The following RHOQ variants were observed in gnomAD, a reference collection of about 807,000 sequenced individuals.
The protein encoded by RHOQ is ras homolog family member Q.
Under a neutral mutation model 25.8 loss-of-function variants are expected in RHOQ, and 7 were observed. That is an observed-to-expected ratio of 0.27 (90% CI 0.15 to 0.51). RHOQ has a LOEUF of 0.51. Ranked by LOEUF, RHOQ falls within the 20% of genes least tolerant of loss-of-function variation. The pLI is 0.97. For synonymous variants in RHOQ, 97 were observed against 98.6 expected, an observed-to-expected ratio of 0.98 and a Z score of 0.10; for missense variants, 165 against 260.6, an observed-to-expected ratio of 0.63 and a Z score of 2.53.
chr2:46,574,330 C>T (rs968011891), intron 2 of RHOQ, among the ~76,000 whole-genome samples: 3 of 144,300 alleles, frequency 2.1e-5, no homozygotes, highest in Non-Finnish European at 3.0e-5. Context: ...AGATGACATA[C>T]TGTTTCTTTT....
chr2:46,546,001 C>G (rs945708669), intron 2 of RHOQ, among the ~76,000 whole-genome samples: 1 of 152,084 alleles, frequency 6.6e-6, no homozygotes, highest in Non-Finnish European at 1.5e-5. Flanking sequence ...ATTGGTGGGG[C>G]CTAGATGTGT....
Position 46,546,510 on chromosome 2 carries a change from A to G in RHOQ, c.201+2698A>G, listed in dbSNP as rs1432275329. On this transcript the variant is annotated intron_variant, in intron 2 of 4. Transcript: ENST00000238738. ...TATATATATATATATATATATATATATGTATATACATATATATATATACAC... is the reference window on the plus strand; with the variant it reads ...TATATATATATATATATATATATATGTGTATATACATATATATATATACAC... Among the ~76,000 whole-genome samples the G allele has an allele frequency of 2.5e-3, 58 of 23,138 alleles. 2 individuals are homozygous for G. The highest frequency in any genetic ancestry group is 6.3e-3 in the Admixed American group (12 of 1,890). The allele number at this position is 23,138 out of a possible 152,430, so 15.2% of individuals were successfully genotyped here. A position where few individuals can be genotyped will look rare whatever the true frequency, so the allele number is the denominator to read the frequency against.
chr2:46,581,695 T>C lies in RHOQ; in HGVS notation c.*612T>C, dbSNP rs549383238. 15 of 1,453,416 alleles carry C rather than the reference T, an allele frequency of 1.0e-5. No homozygotes were observed. In the African/African-American group the frequency reaches 1.6e-4, roughly 15 times the overall value. The allele number at this position is 1,453,416 out of a possible 1,614,324, so 90.0% of individuals were successfully genotyped here. On this transcript the variant is annotated 3_prime_UTR_variant, in exon 5 of 5. Coordinates refer to ENST00000238738, the MANE Select transcript of RHOQ (RefSeq NM_012249.4). Reference sequence around the variant, plus strand: ...TATATTAAAGCTTAATGTGCTTTCTTAAAGAATGCCAAAAGTGTAATAAGG... The same window carrying C: ...TATATTAAAGCTTAATGTGCTTTCTCAAAGAATGCCAAAAGTGTAATAAGG...
chr2:46,576,739 T>A lies in RHOQ; in HGVS notation c.462+83T>A. Reference sequence around the variant, plus strand: ...GAAGCTAATTTTATTGTGTATTTACTGTGTGCCAGGTGGAGTGCTTTACAT... The same window carrying A: ...GAAGCTAATTTTATTGTGTATTTACAGTGTGCCAGGTGGAGTGCTTTACAT... On this transcript the variant is annotated intron_variant, in intron 4 of 4. Transcript: ENST00000238738. This position sits in a 1 kb window ranked among gnomAD's most constrained non-coding sequence, Gnocchi z 5.1. 2.1e-6 allele frequency: 2 copies of A among 955,418 alleles called. No individual in the cohort carries two copies. The highest frequency in any genetic ancestry group is 3.2e-6 in the Non-Finnish European group (2 of 616,098). 59.2% of individuals were successfully genotyped at this position (955,418 alleles called of 1,614,324 possible). A position where few individuals can be genotyped will look rare whatever the true frequency, so the allele number is the denominator to read the frequency against.
rs1668722777 is a variant in RHOQ, at chr2:46,566,127, G to C, written c.202-9960G>C. Among the ~76,000 whole-genome samples, 1 of 152,164 alleles carries C rather than the reference G, an allele frequency of 6.6e-6. No homozygotes were observed. Among genetic ancestry groups the C allele is most frequent in the Admixed American group, 6.5e-5 (1 of 15,276 alleles). ...GATCCTGAGAACTTTCAGGTTTCTGGCTTGTGCACCCTGATTGAGTGGTGA... is the reference window on the plus strand; with the variant it reads ...GATCCTGAGAACTTTCAGGTTTCTGCCTTGTGCACCCTGATTGAGTGGTGA... On this transcript the variant is annotated intron_variant, in intron 2 of 4. Transcript: ENST00000238738. The surrounding 1 kb of genome is among the most constrained non-coding windows in gnomAD (Gnocchi z 4.2).
intron 2 of RHOQ, among the ~76,000 whole-genome samples, chr2:46,562,198 A>G (rs1188649202): frequency 6.6e-6 from 1 of 151,854 alleles, no homozygotes. Context: ...AAACTCCCTC[A>G]TCCCCACTGC....
chr2:46,578,503 G>C (rs1301189813), intron 4 of RHOQ, among the ~76,000 whole-genome samples: 1 of 147,066 alleles, frequency 6.8e-6, no homozygotes, highest in Non-Finnish European at 1.5e-5. Context: ...AGGCTGAGGT[G>C]GGTGGATCGT....
rs532364158 is a variant in RHOQ at position 46,554,954 on chromosome 2, T to C, written c.201+11142T>C. Among the ~76,000 whole-genome samples, 196 of 152,330 alleles carry C rather than the reference T, an allele frequency of 1.3e-3. 5 individuals carry two copies. In the South Asian group the frequency reaches 0.038, roughly 30 times the overall value. On this transcript the variant is annotated intron_variant, in intron 2 of 4. Coordinates refer to ENST00000238738, the MANE Select transcript of RHOQ (RefSeq NM_012249.4). ...CATCCAGTTCAATTAAAATTCCATT[T>C]AATCCAGCTTACTTTTCACAGAGTT...
chr2:46,564,176 G>A (rs529558020), intron 2 of RHOQ, among the ~76,000 whole-genome samples: 3 of 152,130 alleles, frequency 2.0e-5, no homozygotes, highest in East Asian at 2.0e-4. Flanking sequence ...GTGGTAGCAC[G>A]TACCTGTAGT....
chr2:46,578,369 G>C (rs777816873), intron 4 of RHOQ, among the ~76,000 whole-genome samples: 11 of 151,596 alleles, frequency 7.3e-5, no homozygotes, highest in Non-Finnish European at 1.5e-4. Context: ...TTAGGATGTT[G>C]GTCAAAGTGT....
intron 2 of RHOQ, among the ~76,000 whole-genome samples, chr2:46,559,105 C>T (rs1190812252): frequency 6.6e-6 from 1 of 152,124 alleles, no homozygotes; most frequent in African/African-American, 2.4e-5. Context: ...AGCTGCATGC[C>T]ACCACTTCTG....
intron 2 of RHOQ, 129 bp downstream of exon 2, chr2:46,543,941 T>C: frequency 1.4e-6 from 1 of 698,556 alleles, no homozygotes; most frequent in Non-Finnish European, 2.5e-6. Context: ...CTGGATTAGG[T>C]CTTTATTTCT....
rs1669127278 is a variant in RHOQ, at chr2:46,576,342, A to C, written c.366+91A>C. The stretch of plus-strand genomic sequence containing the variant: ...AGACAAACAGTCCCAAAGCTGAGCA[A>C]ATGATGTAAGTGTTTAATCTCAGCT... On this transcript the variant is annotated intron_variant, in intron 3 of 4. Transcript: ENST00000238738. This position sits in a 1 kb window ranked among gnomAD's most constrained non-coding sequence, Gnocchi z 5.1. 3 of 1,155,348 alleles carry C rather than the reference A, an allele frequency of 2.6e-6. No homozygotes were observed. In the South Asian group the frequency reaches 4.6e-5, roughly 18 times the overall value. 71.6% of individuals were successfully genotyped at this position (1,155,348 alleles called of 1,614,324 possible).
Position 46,581,455 on chromosome 2 carries a change from A to G in RHOQ, c.*372A>G, listed in dbSNP as rs1669369118. The G allele has an allele frequency of 1.9e-6, 3 of 1,606,494 alleles. No homozygotes were observed. Among genetic ancestry groups the G allele is most frequent in the Non-Finnish European group, 2.5e-6 (3 of 1,176,856 alleles). On this transcript the variant is annotated 3_prime_UTR_variant, in exon 5 of 5. Coordinates refer to ENST00000238738, the MANE Select transcript of RHOQ (RefSeq NM_012249.4). ...CCCAGCCCTTACAGAATCTGCACAA[A>G]GAAATATCTCCCTTTGCTCCAGTTA...
chr2:46,557,218 T>G (rs1345280219), intron 2 of RHOQ, among the ~76,000 whole-genome samples: 4 of 152,236 alleles, frequency 2.6e-5, no homozygotes, highest in African/African-American at 9.6e-5. Flanking sequence ...TTTTATGAAT[T>G]TATGCCTAGA....
At chr2:46,561,010 A>G (rs1339680312) in intron 2 of RHOQ, among the ~76,000 whole-genome samples, 11 of 144,658 alleles carry the variant, frequency 7.6e-5, no homozygotes, top group Non-Finnish European at 1.5e-4. Context: ...AAACACACAC[A>G]CACACACACA....
chr2:46,575,924 G>T (rs1217645993), intron 2 of RHOQ, among the ~76,000 whole-genome samples, 163 bp from the exon 3 acceptor site: 1 of 152,036 alleles, frequency 6.6e-6, no homozygotes, highest in Non-Finnish European at 1.5e-5. Context: ...ACTTCACAAA[G>T]AAGAATAACA....
intron 2 of RHOQ, among the ~76,000 whole-genome samples, chr2:46,553,073 C>T (rs1668291267): frequency 6.6e-6 from 1 of 152,256 alleles, no homozygotes; most frequent in East Asian, 1.9e-4. Flanking sequence ...GTTAGACATC[C>T]AAATTCTTAG....
In RHOQ at chr2:46,555,681, C is replaced by G. The variant is rs765557235; in HGVS notation, c.201+11869C>G. On this transcript the variant is annotated intron_variant, in intron 2 of 4. Coordinates refer to ENST00000238738, the MANE Select transcript of RHOQ (RefSeq NM_012249.4). The surrounding 1 kb of genome is among the most constrained non-coding windows in gnomAD (Gnocchi z 4.3). ...CTGTTTGGATGAAATACTGGCTATG[C>G]GCATGTACTGTTCTCCAGCAAGTCT... Among the ~76,000 whole-genome samples the G allele has an allele frequency of 2.0e-5, 3 of 152,218 alleles. No individual in the cohort carries two copies. The highest frequency in any genetic ancestry group is 2.9e-5 in the Non-Finnish European group (2 of 68,046).
Sources: gnomAD v4.1 joint callset for allele counts (sites outside exome capture counted in the v4.1 genomes callset) on GRCh38, gnomAD v4.1.1 for gene constraint, Gnocchi (gnomAD v3.1) non-coding constraint, MANE v1.5 for transcripts, NCBI Gene and HGNC (gene_info 2026-07-23, HGNC 2026-07-21) for gene names.